The following FBXO15 variants were observed in gnomAD, a reference collection of about 807,000 sequenced individuals.
The protein encoded by FBXO15 is F-box protein 15, also known as F-box only protein 15.
FBXO15 carries 30 observed loss-of-function variants against 49.5 expected under a neutral mutation model. The observed-to-expected ratio is 0.61, with a 90% CI of 0.45 to 0.82. The LOEUF is 0.82. FBXO15 is among the 40% of genes least tolerant of loss of function. The pLI, the probability that FBXO15 is intolerant of heterozygous loss-of-function variation, is 0.00. For missense variants in FBXO15, 591 were observed against 631.5 expected (o/e 0.94, Z 0.69); for synonymous variants, 250 against 232.7 (o/e 1.07, Z -0.68).
At chr18:74,100,590 AC>A (rs1424380779) in intron 8 of FBXO15, among the ~76,000 whole-genome samples, 1 of 152,162 alleles carries the variant, frequency 6.6e-6, no homozygotes, top group Non-Finnish European at 1.5e-5. Context: ...TGAAATTGAA[AC>A]AAAAAAAATA....
At chr18:74,079,891 C>T (rs1257390547) in intron 9 of FBXO15, among the ~76,000 whole-genome samples, 1 of 152,200 alleles carries the variant, frequency 6.6e-6, no homozygotes, top group Non-Finnish European at 1.5e-5. Flanking sequence ...AACTAGGCAG[C>T]ATCCTCCGTC....
At chr18:74,131,006 G>A (rs1285388825) in intron 3 of FBXO15, among the ~76,000 whole-genome samples, 2 of 152,198 alleles carry the variant, frequency 1.3e-5, no homozygotes, top group Non-Finnish European at 2.9e-5. Flanking sequence ...AGTATATGTA[G>A]TATGATTCTT....
intron 8 of FBXO15, among the ~76,000 whole-genome samples, chr18:74,082,359 G>A (rs562886851): frequency 3.9e-5 from 6 of 152,302 alleles, no homozygotes; most frequent in Middle Eastern, 3.4e-3. Context: ...AGGAGGAAAG[G>A]GTTCTTCTGA....
chr18:74,130,832 G>T, intron 3 of FBXO15, 174 bp from the exon 4 acceptor site: 3 of 664,114 alleles, frequency 4.5e-6, no homozygotes, highest in Non-Finnish European at 7.0e-6. Flanking sequence ...GAGATTTAGT[G>T]TTTTAAATTC....
At chr18:74,121,189 T>C (rs73476519) in intron 8 of FBXO15, among the ~76,000 whole-genome samples, 3,682 of 152,238 alleles carry the variant, frequency 0.024, 142 homozygotes, top group African/African-American at 0.081. Context: ...AGTCTTCTCA[T>C]AAAGAAAGGT....
rs551670040 is a variant in FBXO15 at position 74,130,304 on chromosome 18, A to G, written c.575+112T>C. 4.5e-4 allele frequency: 634 copies of G among 1,416,016 alleles called. 2 individuals are homozygous for G. The highest frequency in any genetic ancestry group is 5.4e-4 in the Non-Finnish European group (572 of 1,049,984). The allele number at this position is 1,416,016 out of a possible 1,614,324, so 87.7% of individuals were successfully genotyped here. A position where few individuals can be genotyped will look rare whatever the true frequency, so the allele number is the denominator to read the frequency against. On this transcript the variant is annotated intron_variant, in intron 4 of 9. Transcript: ENST00000419743. The stretch of plus-strand genomic sequence containing the variant: ...ATGATACATATTTTATAGATGCACA[A>G]AACACACAAAAATACTAGAGACAGT...
chr18:74,143,819 GTTATAT>G (rs1369265014), intron 1 of FBXO15, among the ~76,000 whole-genome samples: 1 of 152,180 alleles, frequency 6.6e-6, no homozygotes, highest in African/African-American at 2.4e-5. Flanking sequence ...TTCCTTGGCT[GTTATAT>G]TTAAACTGCA....
intron 1 of FBXO15, chr18:74,140,640 G>A: frequency 4.0e-6 from 1 of 248,266 alleles, no homozygotes; most frequent in South Asian, 6.6e-5. Flanking sequence ...TTGATGGTAA[G>A]GAAGGAAGAA....
intron 1 of FBXO15, among the ~76,000 whole-genome samples, chr18:74,143,558 G>T (rs1044929189): frequency 1.3e-5 from 2 of 152,198 alleles, no homozygotes; most frequent in Non-Finnish European, 1.5e-5. Flanking sequence ...TGCACAGATA[G>T]TTCACTCAAG....
chr18:74,091,048 G>A (rs1913002588), intron 8 of FBXO15, among the ~76,000 whole-genome samples: 1 of 152,156 alleles, frequency 6.6e-6, no homozygotes, highest in African/African-American at 2.4e-5. Flanking sequence ...AGGTCTCTAA[G>A]AACTTGCTAT....
At chr18:74,138,922 G>A (rs958252121) in intron 2 of FBXO15, among the ~76,000 whole-genome samples, 3 of 152,064 alleles carry the variant, frequency 2.0e-5, no homozygotes, top group African/African-American at 7.2e-5. Context: ...TACTTCTAGA[G>A]AAGAGAGGTA....
Position 74,082,098 on chromosome 18 carries a change from T to C in FBXO15, c.1139-47A>G, listed in dbSNP as rs756482793. On this transcript the variant is annotated intron_variant, in intron 8 of 9. Transcript: ENST00000419743. The stretch of plus-strand genomic sequence containing the variant: ...TCAATCACTGTCTTCCAGTGCAAGA[T>C]GACAAACCAAGCACGTTCAGTCGGC... The C allele has an allele frequency of 7.5e-6, 12 of 1,594,950 alleles. No individual in the cohort carries two copies. The Admixed American group carries it at 1.6e-4, about 21-fold the overall frequency.
chr18:74,111,528 A>T (rs1357934217), intron 8 of FBXO15, among the ~76,000 whole-genome samples: 1 of 152,104 alleles, frequency 6.6e-6, no homozygotes, highest in Non-Finnish European at 1.5e-5. Context: ...GGGAGGCAGT[A>T]AAAGCAGTGC....
intron 2 of FBXO15, among the ~76,000 whole-genome samples, chr18:74,137,308 G>T (rs1978782605): frequency 3.9e-5 from 6 of 152,122 alleles, no homozygotes; most frequent in Admixed American, 3.3e-4. Context: ...TGACCATTTG[G>T]ATTATTCATT....
At chr18:74,087,413 G>T (rs1205501583) in intron 8 of FBXO15, among the ~76,000 whole-genome samples, 3 of 152,144 alleles carry the variant, frequency 2.0e-5, no homozygotes, top group African/African-American at 7.2e-5. Flanking sequence ...GTAGGACCTG[G>T]TGGTATCTGT....
intron 5 of FBXO15, among the ~76,000 whole-genome samples, chr18:74,128,814 C>G (rs1179429414): frequency 6.6e-6 from 1 of 152,158 alleles, no homozygotes; most frequent in Admixed American, 6.5e-5. Context: ...TAAGCATTAC[C>G]CATGTGCTGC....
At chr18:74,101,219 G>C (rs953856714) in intron 8 of FBXO15, among the ~76,000 whole-genome samples, 1 of 152,048 alleles carries the variant, frequency 6.6e-6, no homozygotes, top group Non-Finnish European at 1.5e-5. Context: ...TGATCAAGTG[G>C]GTTTCATACC....
At chr18:74,131,741 T>A (rs768063184) in intron 3 of FBXO15, among the ~76,000 whole-genome samples, 2 of 152,210 alleles carry the variant, frequency 1.3e-5, no homozygotes, top group Non-Finnish European at 2.9e-5. Flanking sequence ...TTTTAAACAT[T>A]AATGATTTGC....
chr18:74,080,367 C>T (rs1912438232), intron 9 of FBXO15, among the ~76,000 whole-genome samples: 1 of 152,212 alleles, frequency 6.6e-6, no homozygotes, highest in Non-Finnish European at 1.5e-5. Flanking sequence ...CCTCCAGGCC[C>T]AAGGGAGAAG....
Sources: allele counts gnomAD v4.1 joint callset (sites outside exome capture counted in the v4.1 genomes callset), GRCh38; gene constraint gnomAD v4.1.1; transcripts MANE v1.5; gene names NCBI Gene and HGNC (gene_info 2026-07-23, HGNC 2026-07-21).